The following RBFOX1 variants were observed in gnomAD, a reference collection of about 807,000 sequenced individuals.
RBFOX1 encodes RNA binding fox-1 homolog 1.
Under a neutral mutation model 57.7 loss-of-function variants are expected in RBFOX1, and 8 were observed. That is an observed-to-expected ratio of 0.14 (90% CI 0.08 to 0.25). RBFOX1 has a LOEUF of 0.25. RBFOX1 is among the 10% of genes least tolerant of loss of function. The pLI is 1.00. For synonymous variants in RBFOX1, 326 were observed against 222.4 expected (o/e 1.47, Z -4.15); for missense variants, 611 against 548.5 (o/e 1.11, Z -1.14).
intron 1 of RBFOX1, among the ~76,000 whole-genome samples, chr16:6,105,969 C>T (rs1387122101): frequency 6.6e-6 from 1 of 152,054 alleles, no homozygotes; most frequent in Non-Finnish European, 1.5e-5. Flanking sequence ...TGCCACCCCC[C>T]AGCTCTTTAC....
At chr16:6,639,524 C>A (rs2098470098) in intron 2 of RBFOX1, among the ~76,000 whole-genome samples, 1 of 152,020 alleles carries the variant, frequency 6.6e-6, no homozygotes, top group Non-Finnish European at 1.5e-5. Flanking sequence ...GAAGGAAGAA[C>A]AATAACTATG....
intron 2 of RBFOX1, among the ~76,000 whole-genome samples, chr16:6,427,367 G>A (rs78552918): frequency 2.6e-5 from 4 of 152,272 alleles, no homozygotes; most frequent in South Asian, 2.1e-4. Flanking sequence ...TATAGGAAAC[G>A]GTTCCCACAT....
intron 4 of RBFOX1, among the ~76,000 whole-genome samples, chr16:7,282,806 C>T (rs1490605605): frequency 6.6e-6 from 1 of 152,188 alleles, no homozygotes. Context: ...AGCTTAGCTC[C>T]CACTTATGAG....
At chr16:5,313,524 C>A (rs567416994) in intron 1 of RBFOX1, among the ~76,000 whole-genome samples, 5 of 152,066 alleles carry the variant, frequency 3.3e-5, no homozygotes, top group African/African-American at 9.7e-5. Flanking sequence ...CATATTCATG[C>A]TGCTGATAAA....
At chr16:6,669,737 G>C (rs2154108515) in intron 3 of RBFOX1, among the ~76,000 whole-genome samples, 1 of 152,166 alleles carries the variant, frequency 6.6e-6, no homozygotes, top group South Asian at 2.1e-4. Context: ...GGTTTTCTGG[G>C]TGCTTTGGAG....
chr16:6,410,241 A>C (rs1427428508), intron 2 of RBFOX1, among the ~76,000 whole-genome samples: 1 of 151,064 alleles, frequency 6.6e-6, no homozygotes, highest in East Asian at 1.9e-4. Flanking sequence ...GGTACAAGAA[A>C]ATAAATAATC....
rs536298452 is a variant in RBFOX1, at chr16:6,736,953, G to A, written c.-16+82303G>A. ...TGATGTCTGCTGTGAAGTTAGCATC[G>A]GGAAGCGACAGCCTGTGTGCCCTGT... On this transcript the variant is annotated intron_variant, in intron 3 of 15. Coordinates refer to ENST00000550418, the MANE Select transcript of RBFOX1 (RefSeq NM_018723.4). 2.1e-4 allele frequency among the ~76,000 whole-genome samples: 32 copies of A among 152,272 alleles called. 1 individual carries two copies. The South Asian group carries it at 4.4e-3, about 21-fold the overall frequency.
chr16:5,404,697 C>G (rs565545872), intron 1 of RBFOX1, among the ~76,000 whole-genome samples: 1 of 152,166 alleles, frequency 6.6e-6, no homozygotes, highest in Non-Finnish European at 1.5e-5. Context: ...GATAGGGAAA[C>G]CCATGCATGG....
intron 2 of RBFOX1, among the ~76,000 whole-genome samples, chr16:5,483,692 C>T (rs2069626649): frequency 6.6e-6 from 1 of 152,204 alleles, no homozygotes; most frequent in African/African-American, 2.4e-5. Context: ...TAAAGCAAAG[C>T]ACTGTTGGGT....
In RBFOX1 at chr16:7,664,982, C is replaced by G. The variant is rs138101705; in HGVS notation, c.930+14C>G. On this transcript the variant is annotated intron_variant, in intron 13 of 15. Transcript: ENST00000550418. The stretch of plus-strand genomic sequence containing the variant: ...GCAGACATTTATGTAAGTATTCATT[C>G]ACGTGCATGCCATCCCCGTTTCCTC... 1 of 1,613,926 alleles carries G rather than the reference C, an allele frequency of 6.2e-7. No homozygotes were observed. The highest frequency in any genetic ancestry group is 1.7e-5 in the Admixed American group (1 of 60,014).
intron 2 of RBFOX1, among the ~76,000 whole-genome samples, chr16:5,546,983 A>G (rs1214286511): frequency 6.6e-6 from 1 of 152,208 alleles, no homozygotes; most frequent in Non-Finnish European, 1.5e-5. Flanking sequence ...TACATGGCAA[A>G]TAATCACATG....
chr16:5,245,721 C>T (rs1431517910), intron 1 of RBFOX1, among the ~76,000 whole-genome samples: 2 of 152,184 alleles, frequency 1.3e-5, no homozygotes, highest in South Asian at 4.1e-4. Flanking sequence ...CATGAGCCAC[C>T]ATGCCTGACC....
intron 14 of RBFOX1, among the ~76,000 whole-genome samples, chr16:7,696,210 GTTGTT>G (rs1317095819): frequency 2.0e-5 from 3 of 152,152 alleles, no homozygotes; most frequent in African/African-American, 7.2e-5. Flanking sequence ...TATTAGTTGT[GTTGTT>G]TTGTTTTGGT....
intron 3 of RBFOX1, among the ~76,000 whole-genome samples, chr16:5,613,151 C>A (rs1400299503): frequency 6.6e-6 from 1 of 152,162 alleles, no homozygotes; most frequent in African/African-American, 2.4e-5. Flanking sequence ...GAGCAGGGGA[C>A]AGAATCACAG....
chr16:6,655,695 A>G (rs546345859), intron 3 of RBFOX1, among the ~76,000 whole-genome samples: 119 of 152,292 alleles, frequency 7.8e-4, no homozygotes, highest in African/African-American at 2.7e-3. Flanking sequence ...CCTTGGATCC[A>G]AAGAGGTCAA....
chr16:7,383,949 G>T (rs1048301241), intron 4 of RBFOX1, among the ~76,000 whole-genome samples: 1 of 151,942 alleles, frequency 6.6e-6, no homozygotes, highest in African/African-American at 2.4e-5. Flanking sequence ...AGCTACTTGG[G>T]AGGCTGAGGC....
intron 4 of RBFOX1, among the ~76,000 whole-genome samples, chr16:7,485,421 A>T (rs1472938541): frequency 2.6e-5 from 4 of 152,224 alleles, no homozygotes; most frequent in Non-Finnish European, 5.9e-5. Flanking sequence ...TTACAAATAG[A>T]TTAACACGCT....
intron 2 of RBFOX1, among the ~76,000 whole-genome samples, chr16:6,457,251 T>G (rs1410155418): frequency 6.6e-6 from 1 of 152,038 alleles, no homozygotes; most frequent in Non-Finnish European, 1.5e-5. Context: ...AATAGTGGTG[T>G]TATGGAAGCA....
chr16:6,877,107 C>A (rs528152352), intron 3 of RBFOX1, among the ~76,000 whole-genome samples: 5 of 152,248 alleles, frequency 3.3e-5, no homozygotes, highest in African/African-American at 9.6e-5. Context: ...CATAGGCAGT[C>A]CCGCTGAAGA....
Sources: gnomAD v4.1 joint callset for allele counts (sites outside exome capture counted in the v4.1 genomes callset) on GRCh38, gnomAD v4.1.1 for gene constraint, MANE v1.5 for transcripts, NCBI Gene and HGNC (gene_info 2026-07-23, HGNC 2026-07-21) for gene names.